KCTD8: variants seen among roughly 807,000 people sequenced by gnomAD.
KCTD8 encodes the protein potassium channel tetramerization domain containing 8.
KCTD8 carries 27 observed loss-of-function variants against 31.5 expected under a neutral mutation model. The observed-to-expected ratio is 0.86, with a 90% confidence interval of 0.63 to 1.18. KCTD8 has a LOEUF of 1.18. KCTD8 is among the 50% of genes most tolerant of loss of function. The pLI, the probability that KCTD8 is intolerant of heterozygous loss-of-function variation, is 0.00. For missense variants in KCTD8, 658 were observed against 647.7 expected (o/e 1.02, Z -0.17); for synonymous variants, 290 against 280.0 (o/e 1.04, Z -0.36).
At chr4:44,209,880 G>A (rs992711709) in intron 1 of KCTD8, among the ~76,000 whole-genome samples, 19 of 152,262 alleles carry the variant, frequency 1.2e-4, no homozygotes, top group African/African-American at 4.1e-4. Context: ...TGCACAGATT[G>A]AAGTAGTAAA....
intron 1 of KCTD8, among the ~76,000 whole-genome samples, chr4:44,366,469 C>A (rs1261566246): frequency 1.3e-5 from 2 of 152,208 alleles, no homozygotes; most frequent in Non-Finnish European, 2.9e-5. Context: ...GTGCTTGCTT[C>A]CTCTTTGCCT....
intron 1 of KCTD8, among the ~76,000 whole-genome samples, chr4:44,346,714 C>T (rs1231392909): frequency 2.0e-5 from 3 of 152,082 alleles, no homozygotes; most frequent in African/African-American, 7.2e-5. Flanking sequence ...TGGTGACTGA[C>T]CCTTCTTACT....
chr4:44,341,090 A>G (rs1718885207), intron 1 of KCTD8, among the ~76,000 whole-genome samples: 1 of 152,156 alleles, frequency 6.6e-6, no homozygotes, highest in Non-Finnish European at 1.5e-5. Flanking sequence ...GATTCATATG[A>G]ATTGTTTGGT....
At chr4:44,395,289 C>T (rs1720472203) in intron 1 of KCTD8, among the ~76,000 whole-genome samples, 1 of 152,040 alleles carries the variant, frequency 6.6e-6, no homozygotes, top group South Asian at 2.1e-4. Flanking sequence ...TAGAAAATTC[C>T]AGGAAGCAGT....
At chr4:44,366,287 T>A (rs1262885271) in intron 1 of KCTD8, among the ~76,000 whole-genome samples, 1 of 152,104 alleles carries the variant, frequency 6.6e-6, no homozygotes, top group Non-Finnish European at 1.5e-5. Context: ...TGTTAACATG[T>A]GATTCCCAGT....
intron 1 of KCTD8, among the ~76,000 whole-genome samples, chr4:44,325,835 C>T (rs1193210425): frequency 6.6e-6 from 1 of 151,910 alleles, no homozygotes; most frequent in African/African-American, 2.4e-5. Context: ...GGGATATAAT[C>T]GAGCTAGTGT....
intron 1 of KCTD8, among the ~76,000 whole-genome samples, chr4:44,316,838 C>G (rs1295475829): frequency 1.5e-5 from 2 of 136,680 alleles, no homozygotes; most frequent in African/African-American, 2.7e-5. Context: ...ATAAGCCGAG[C>G]TTGGTGGCCG....
At chr4:44,347,869 A>G (rs779985873) in intron 1 of KCTD8, among the ~76,000 whole-genome samples, 3 of 152,170 alleles carry the variant, frequency 2.0e-5, no homozygotes, top group Non-Finnish European at 2.9e-5. Context: ...TAAAGAAATA[A>G]TTAGATACAT....
In KCTD8 at chr4:44,368,237, C is replaced by T. The variant is rs528001915; in HGVS notation, c.961+79326G>A. Among the ~76,000 whole-genome samples the T allele has an allele frequency of 4.9e-4, 75 of 152,060 alleles. No individual in the cohort carries two copies. In the Middle Eastern group the frequency reaches 0.014, roughly 28 times the overall value. The stretch of plus-strand genomic sequence containing the variant: ...ACTAAAAATACAAAAATTAGCCAGG[C>T]ATGATGGCACCTGCCTGTAGTCCCA... On this transcript the variant is annotated intron_variant, in intron 1 of 1. Coordinates refer to ENST00000360029, the MANE Select transcript of KCTD8 (RefSeq NM_198353.3).
At chr4:44,228,404 A>G (rs1391323840) in intron 1 of KCTD8, among the ~76,000 whole-genome samples, 1 of 152,202 alleles carries the variant, frequency 6.6e-6, no homozygotes, top group Non-Finnish European at 1.5e-5. Context: ...TTAGAGCCCT[A>G]TCTCAAAAGA....
intron 1 of KCTD8, among the ~76,000 whole-genome samples, chr4:44,248,311 AT>A (rs1715727368): frequency 1.3e-5 from 2 of 151,646 alleles, no homozygotes; most frequent in South Asian, 2.1e-4. Context: ...TTAATCAGAA[AT>A]CCTGTATTTT....
chr4:44,401,011 C>CCTTTTTTTTTTT (rs1553905940), intron 1 of KCTD8, among the ~76,000 whole-genome samples: 1 of 95,918 alleles, frequency 1.0e-5, no homozygotes, highest in African/African-American at 4.0e-5. Flanking sequence ...AATTTTCTTT[C>CCTTTTTTTTTTT]TTTTTTTTTT....
At chr4:44,281,203 T>G (rs747440306) in intron 1 of KCTD8, among the ~76,000 whole-genome samples, 3 of 152,102 alleles carry the variant, frequency 2.0e-5, no homozygotes, top group Non-Finnish European at 4.4e-5. Context: ...CTGTCACTTG[T>G]AAAATAATCT....
At chr4:44,388,427 T>G (rs1366507451) in intron 1 of KCTD8, among the ~76,000 whole-genome samples, 1 of 151,828 alleles carries the variant, frequency 6.6e-6, no homozygotes, top group South Asian at 2.1e-4. Flanking sequence ...CAGTACTATT[T>G]ACAATAGCAA....
chr4:44,386,597 C>T (rs191312945), intron 1 of KCTD8, among the ~76,000 whole-genome samples: 1 of 151,518 alleles, frequency 6.6e-6, no homozygotes, highest in African/African-American at 2.4e-5. Flanking sequence ...CAGGCAATAA[C>T]AAATGCTAGT....
intron 1 of KCTD8, among the ~76,000 whole-genome samples, chr4:44,388,887 C>G (rs919804885): frequency 1.3e-5 from 2 of 150,656 alleles, no homozygotes; most frequent in Admixed American, 6.6e-5. Context: ...AACTTAAACT[C>G]CCCACCAAAA....
At chr4:44,444,732 T>C (rs542020318) in intron 1 of KCTD8, among the ~76,000 whole-genome samples, 69 of 151,074 alleles carry the variant, frequency 4.6e-4, no homozygotes, top group African/African-American at 1.7e-3. Context: ...TATCTGGGAT[T>C]ACTGAACCAT....
intron 1 of KCTD8, among the ~76,000 whole-genome samples, chr4:44,395,397 A>C (rs1272232589): frequency 2.0e-5 from 3 of 152,144 alleles, no homozygotes; most frequent in East Asian, 3.9e-4. Context: ...GCTAAGAGTA[A>C]CTGGACACAA....
At chr4:44,371,350 T>C (rs570060954) in intron 1 of KCTD8, among the ~76,000 whole-genome samples, 4 of 152,318 alleles carry the variant, frequency 2.6e-5, no homozygotes, top group African/African-American at 7.2e-5. Flanking sequence ...CCCAGTCAAG[T>C]TGACAAATAA....
Sources: gnomAD v4.1 joint callset for allele counts (sites outside exome capture counted in the v4.1 genomes callset) on GRCh38, gnomAD v4.1.1 for gene constraint, MANE v1.5 for transcripts, NCBI Gene and HGNC (gene_info 2026-07-23, HGNC 2026-07-21) for gene names.